ABCA4: variants seen among roughly 807,000 people sequenced by gnomAD.
ABCA4 encodes ATP binding cassette subfamily A member 4.
Under a neutral mutation model 263.7 loss-of-function variants are expected in ABCA4, and 196 were observed. The observed-to-expected ratio is 0.74, with a 90% CI of 0.66 to 0.84. ABCA4 has a LOEUF of 0.84. ABCA4 is among the 40% of genes least tolerant of loss of function. The pLI, the probability that ABCA4 is intolerant of heterozygous loss-of-function variation, is 0.00. For missense variants in ABCA4, 2,792 were observed against 2,855.1 expected (o/e 0.98, Z 0.50); for synonymous variants, 1,133 against 1,094.2 (o/e 1.04, Z -0.70).
chr1:94,089,364 T>A (rs577891386), intron 6 of ABCA4, among the ~76,000 whole-genome samples: 1 of 152,348 alleles, frequency 6.6e-6, no homozygotes, highest in African/African-American at 2.4e-5. Context: ...CTCACTTAAT[T>A]CATCCACAGG....
In ABCA4 at chr1:94,111,517, AG is replaced by A; in HGVS notation, c.222del (p.Cys75AlafsTer3). 6.2e-7 allele frequency: 1 copy of A among 1,614,202 alleles called. No individual in the cohort carries two copies. The highest frequency in any genetic ancestry group is 8.5e-7 in the Non-Finnish European group (1 of 1,180,012). Reference protein sequence around the residue: ...AGMLPWLQGIFCNVNNPCFQS... With the variant: ...AGMLPWLQGIXCNVNNPCFQS... ...TGAAAACAGGGATTGTTCACATTGCAGAAGATCCCCTGGAGCCACGGCAGCA... is the reference window on the plus strand; with the variant it reads ...TGAAAACAGGGATTGTTCACATTGCAAAGATCCCCTGGAGCCACGGCAGCA... On this transcript the variant is annotated frameshift_variant, in exon 3 of 50. Transcript: ENST00000370225. LOFTEE classifies it high-confidence loss of function.
rs919216834 is a variant in ABCA4 at position 94,021,681 on chromosome 1, G to A, written c.4807C>T (p.Pro1603Ser). The A allele has an allele frequency of 5.0e-6, 8 of 1,613,102 alleles. No individual in the cohort carries two copies. The African/African-American group carries it at 1.1e-4, about 22-fold the overall frequency. ...PITREASKEI[P>S]DFLKHLETED... ...GTTTCTAGATGTTTAAGGAAATCAG[G>A]TATTTCTTTAGAGGCCTCTCTAGTG... Residue 1603 changes from proline (P) to serine (S), a missense_variant, in exon 34 of 50, where the codon CCT (proline) becomes TCT (serine). Coordinates refer to ENST00000370225, the MANE Select transcript of ABCA4 (RefSeq NM_000350.3).
chr1:94,039,794 G>T lies in ABCA4; in HGVS notation c.3607+249C>A, dbSNP rs573016550. On this transcript the variant is annotated intron_variant, in intron 24 of 49. Transcript: ENST00000370225. ...CCCCAGGAATGATGGCTTACTAAGG[G>T]TAAGAGCACAGAGTGTATTCCTCAT... 1.1e-4 allele frequency among the ~76,000 whole-genome samples: 17 copies of T among 152,344 alleles called. No homozygotes were observed. The South Asian group carries it at 3.3e-3, about 30-fold the overall frequency.
In ABCA4 at chr1:94,017,906, A is replaced by G. The variant is rs540767536; in HGVS notation, c.5196+1676T>C. 5.3e-5 allele frequency among the ~76,000 whole-genome samples: 8 copies of G among 152,374 alleles called. No individual in the cohort carries two copies. In the East Asian group the frequency reaches 7.7e-4, roughly 15 times the overall value. The stretch of plus-strand genomic sequence containing the variant: ...CACATATAAGAATTTAAAACATCAT[A>G]TATGTGCTAAGTGAATTACATAAGC... On this transcript the variant is annotated intron_variant, in intron 36 of 49. Transcript: ENST00000370225.
In ABCA4 at chr1:94,038,931, C is replaced by T. The variant is rs1456203132; in HGVS notation, c.3607+1112G>A. On this transcript the variant is annotated intron_variant, in intron 24 of 49. Coordinates refer to ENST00000370225, the MANE Select transcript of ABCA4 (RefSeq NM_000350.3). Reference sequence around the variant, plus strand: ...GTGCATTTCCCACCATTCACAGCATCCCGATTCTATACAAAGAAAACCTTT... The same window carrying T: ...GTGCATTTCCCACCATTCACAGCATTCCGATTCTATACAAAGAAAACCTTT... Among the ~76,000 whole-genome samples the T allele has an allele frequency of 2.0e-5, 3 of 152,146 alleles. 1 individual carries two copies. The highest frequency in any genetic ancestry group is 4.1e-4 in the South Asian group (2 of 4,822).
intron 44 of ABCA4, 189 bp downstream of exon 44, chr1:94,005,252 G>A: frequency 1.5e-6 from 1 of 686,172 alleles, no homozygotes; most frequent in Admixed American, 2.9e-5. Flanking sequence ...TTTTTTGTCT[G>A]TCTTGTTCAC....
intron 12 of ABCA4, 30 bp from the exon 13 acceptor site, chr1:94,062,783 G>C (rs1405870445): frequency 3.1e-6 from 5 of 1,609,770 alleles, no homozygotes; most frequent in Non-Finnish European, 4.2e-6. Flanking sequence ...CAAAGGATGG[G>C]AACGGGCTTG....
rs61750121 is a variant in ABCA4, at chr1:94,042,766, C to A, written c.3323G>T (p.Arg1108Leu). The change falls in exon 22 of 50, where the codon CGC (arginine) becomes CTC (leucine). Residue 1108 changes from arginine to leucine, a missense_variant. By Grantham distance (102) the Arg-to-Leu change is moderately radical. Coordinates refer to ENST00000370225, the MANE Select transcript of ABCA4 (RefSeq NM_000350.3). ...RSIWDLLLKY[R>L]SGRTIIMSTH... Reference sequence around the variant, plus strand: ...GACTGAGCAGCAGCTGTTACCTGAGCGATACTTCAGGAGCAGATCCCAGAT... The same window carrying A: ...GACTGAGCAGCAGCTGTTACCTGAGAGATACTTCAGGAGCAGATCCCAGAT... 1.2e-6 allele frequency: 2 copies of A among 1,614,176 alleles called. No homozygotes were observed. The highest frequency in any genetic ancestry group is 1.7e-6 in the Non-Finnish European group (2 of 1,180,036).
chr1:94,069,492 C>T (rs1012605203), intron 11 of ABCA4, among the ~76,000 whole-genome samples: 14 of 152,122 alleles, frequency 9.2e-5, no homozygotes, highest in African/African-American at 3.1e-4. Flanking sequence ...TGTATAATCC[C>T]GCCTCTCACA....
intron 16 of ABCA4, 29 bp downstream of exon 16, chr1:94,055,082 A>G (rs1272982243): frequency 1.2e-6 from 2 of 1,600,558 alleles, no homozygotes; most frequent in Non-Finnish European, 8.6e-7. Flanking sequence ...GAACTCAATT[A>G]CCTTTACCCT....
intron 5 of ABCA4, among the ~76,000 whole-genome samples, chr1:94,100,984 C>T (rs1662270903): frequency 6.6e-6 from 1 of 152,152 alleles, no homozygotes; most frequent in Admixed American, 6.5e-5. Context: ...CAGGGAGGGC[C>T]GGGTTGGCTG....
At chr1:94,046,829 G>T in intron 19 of ABCA4, 90 bp downstream of exon 19, 1 of 1,502,664 alleles carries the variant, frequency 6.7e-7, no homozygotes, top group Non-Finnish European at 9.2e-7. Flanking sequence ...TAAAATTTGT[G>T]GGAAAGAGTA....
chr1:94,088,044 T>C (rs184503253), intron 6 of ABCA4, among the ~76,000 whole-genome samples: 24 of 152,328 alleles, frequency 1.6e-4, no homozygotes, highest in Non-Finnish European at 3.4e-4. Flanking sequence ...CCACATTCTT[T>C]TAAGCATAGT....
rs775638345 is a variant in ABCA4 at position 94,037,154 on chromosome 1, G to C, written c.3804C>G (p.Pro1268=). Residue 1268 remains proline (P), a synonymous_variant, in exon 25 of 50, where the codon CCC becomes CCG. Coordinates refer to ENST00000370225, the MANE Select transcript of ABCA4 (RefSeq NM_000350.3). ...GGAATCTCTACTTTACCTCTTCCAG[G>C]GGAGTGTCAGAAATTCCAAAACTGC... ...GLSSFGISDT[P]LEEIFLKVTE... 6.2e-7 allele frequency: 1 copy of C among 1,614,052 alleles called. No individual in the cohort carries two copies. The highest frequency in any genetic ancestry group is 1.7e-5 in the Admixed American group (1 of 60,022).
Position 94,021,320 on chromosome 1 carries a change from G to C in ABCA4, c.4938C>G (p.Asp1646Glu), listed in dbSNP as rs1314399132. ...TGATTCCATACTCCTCGGGGCTCCTGTCCTTAGGCAGGCTGGCCCGTAAGA... is the reference window on the plus strand; with the variant it reads ...TGATTCCATACTCCTCGGGGCTCCTCTCCTTAGGCAGGCTGGCCCGTAAGA... ...NAILRASLPK[D>E]RSPEEYGITV... Residue 1646 changes from aspartate to glutamate, a missense_variant, in exon 35 of 50, where the codon GAC becomes GAG. Transcript: ENST00000370225. 6.2e-7 allele frequency: 1 copy of C among 1,614,214 alleles called. No individual in the cohort carries two copies. Among genetic ancestry groups the C allele is most frequent in the Non-Finnish European group, 8.5e-7 (1 of 1,180,042 alleles).
intron 6 of ABCA4, among the ~76,000 whole-genome samples, chr1:94,096,503 A>C (rs1455012163): frequency 6.6e-6 from 1 of 152,162 alleles, no homozygotes; most frequent in African/African-American, 2.4e-5. Flanking sequence ...GCATACAGAA[A>C]CCGAGAAAGC....
intron 36 of ABCA4, chr1:94,019,311 T>C: frequency 4.8e-6 from 2 of 417,598 alleles, no homozygotes; most frequent in Non-Finnish European, 8.9e-6. Flanking sequence ...ATTTGATGGG[T>C]CAGAAGACCC....
chr1:94,120,875 AC>A (rs924355998), intron 1 of ABCA4, 104 bp downstream of exon 1: 1 of 758,328 alleles, frequency 1.3e-6, no homozygotes, highest in Non-Finnish European at 2.2e-6. Flanking sequence ...ACTGCTCACA[AC>A]CCCCCACCCT....
chr1:94,093,862 A>T (rs991856661), intron 6 of ABCA4, among the ~76,000 whole-genome samples: 4 of 152,222 alleles, frequency 2.6e-5, no homozygotes, highest in African/African-American at 9.6e-5. Context: ...TTGTAGATGC[A>T]GGCAGAAAAA....
Sources: gnomAD v4.1 joint callset for allele counts (sites outside exome capture counted in the v4.1 genomes callset) on GRCh38, gnomAD v4.1.1 for gene constraint, MANE v1.5 for transcripts, NCBI Gene and HGNC (gene_info 2026-07-23, HGNC 2026-07-21) for gene names.